The following EVPL variants were observed in gnomAD, a reference collection of about 807,000 sequenced individuals.
EVPL encodes the protein envoplakin, also known as 210 kDa cornified envelope precursor protein.
Under a neutral mutation model 129.7 loss-of-function variants are expected in EVPL, and 94 were observed. The ratio of observed to expected loss-of-function variants is 0.72; its 90% CI spans 0.61 to 0.86. The LOEUF is 0.86. EVPL is among the 40% of genes least tolerant of loss of function. EVPL has a pLI of 0.00. For synonymous variants in EVPL, 1,172 were observed against 1,191.1 expected (o/e 0.98, Z 0.33); for missense variants, 2,625 against 2,721.1 (o/e 0.96, Z 0.79).
Position 76,010,248 on chromosome 17 carries a change from C to T in EVPL, c.2957G>A (p.Arg986Gln), listed in dbSNP as rs377429965. 5.8e-5 allele frequency: 93 copies of T among 1,613,826 alleles called. 1 individual carries two copies. The highest frequency in any genetic ancestry group is 3.3e-4 in the Middle Eastern group (2 of 6,084). Residue 986 changes from arginine to glutamine, a missense_variant, in exon 22 of 22, where the codon CGG becomes CAG. Around this residue, in one of 4 missense-constraint regions of EVPL, gnomAD observed 1,453 missense variants for 1,511.8 expected, o/e 0.96. Coordinates refer to ENST00000301607, the MANE Select transcript of EVPL (RefSeq NM_001988.4). ...TTCCAGGTCTGCCTGCAGGCCAGCC[C>T]GCCGCTTGCCCTCCTCCTCCACCTG... The part of the protein sequence containing the change: ...KAQVEEEGKR[R>Q]AGLQADLEVA...
chr17:76,009,704 C>G lies in EVPL; in HGVS notation c.3501G>C (p.Ala1167=). The change falls in exon 22 of 22, where the codon GCG becomes GCC. Residue 1167 remains alanine, a synonymous_variant. Coordinates refer to ENST00000301607, the MANE Select transcript of EVPL (RefSeq NM_001988.4). The surrounding 1 kb of genome is among the most constrained non-coding windows in gnomAD (Gnocchi z 5.9). ...SLLEEERTKN[A]TLARELSDLH... Reference sequence around the variant, plus strand: ...GGTCGCTCAGCTCCCTGGCCAGCGTCGCGTTCTTGGTCCTCTCCTCCTCGA... The same window carrying G: ...GGTCGCTCAGCTCCCTGGCCAGCGTGGCGTTCTTGGTCCTCTCCTCCTCGA... 6.2e-7 allele frequency: 1 copy of G among 1,613,584 alleles called. No homozygotes were observed. Among genetic ancestry groups the G allele is most frequent in the Non-Finnish European group, 8.5e-7 (1 of 1,180,016 alleles).
rs984372512 is a variant in EVPL at position 76,022,234 on chromosome 17, C to T, written c.607-7G>A. 2 of 1,613,050 alleles carry T rather than the reference C, an allele frequency of 1.2e-6. No individual in the cohort carries two copies. Among genetic ancestry groups the T allele is most frequent in the African/African-American group, 1.3e-5 (1 of 74,904 alleles). On this transcript the variant is annotated splice_region_variant and splice_polypyrimidine_tract_variant and intron_variant, in intron 5 of 21. Transcript: ENST00000301607. This position sits in a 1 kb window ranked among gnomAD's most constrained non-coding sequence, Gnocchi z 5.6. ...TCCGGATGGTGGCTGCATCCTGCCT[C>T]GACCAAGGGGAGAAACAAGCCCGTG...
Position 76,007,159 on chromosome 17 carries a change from C to T in EVPL, c.6046G>A (p.Glu2016Lys). 2.0e-6 allele frequency: 3 copies of T among 1,508,970 alleles called. No individual in the cohort carries two copies. The highest frequency in any genetic ancestry group is 2.7e-6 in the Non-Finnish European group (3 of 1,127,354). The allele number at this position is 1,508,970 out of a possible 1,614,324, so 93.5% of individuals were successfully genotyped here. A position where few individuals can be genotyped will look rare whatever the true frequency, so the allele number is the denominator to read the frequency against. The change falls in exon 22 of 22, where the codon GAG (glutamate) becomes AAG (lysine). Residue 2016 changes from glutamate (E) to lysine (K), a missense_variant. Glu to Lys is a moderately conservative substitution (Grantham distance 56). Transcript: ENST00000301607. This position sits in a 1 kb window ranked among gnomAD's most constrained non-coding sequence, Gnocchi z 8.8. ...GCGGAGCGGTAGCAGCGGTACCCCTCCAGTGCCGCTGGCAGGAGCAGCAGG... is the reference window on the plus strand; with the variant it reads ...GCGGAGCGGTAGCAGCGGTACCCCTTCAGTGCCGCTGGCAGGAGCAGCAGG... Reference protein sequence around the residue: ...SGLLLLPAALEGYRCYRSASP... With the variant: ...SGLLLLPAALKGYRCYRSASP...
In EVPL at chr17:76,014,466, T is replaced by G; in HGVS notation, c.2333A>C (p.Asp778Ala). ...CTTGTAGGCGATCTGGCTGGGGCCGTCGCTGGGCCGCACCTGGCTGCGGGG... is the reference window on the plus strand; with the variant it reads ...CTTGTAGGCGATCTGGCTGGGGCCGGCGCTGGGCCGCACCTGGCTGCGGGG... ...HLPRSQVRPS[D>A]GPSQIAYKLQ... Residue 778 changes from aspartate to alanine, a missense_variant, in exon 18 of 22, where the codon GAC (aspartate) becomes GCC (alanine). By Grantham distance (126) the Asp-to-Ala change is moderately radical. Coordinates refer to ENST00000301607, the MANE Select transcript of EVPL (RefSeq NM_001988.4). 6.2e-7 allele frequency: 1 copy of G among 1,611,908 alleles called. No individual in the cohort carries two copies. Among genetic ancestry groups the G allele is most frequent in the Non-Finnish European group, 8.5e-7 (1 of 1,179,464 alleles).
rs774222629 is a variant in EVPL at position 76,015,051 on chromosome 17, A to G, written c.2087T>C (p.Leu696Pro). Residue 696 changes from leucine to proline, a missense_variant, in exon 17 of 22, where the codon CTG becomes CCG. By Grantham distance (98) the Leu-to-Pro change is moderately conservative. Around this residue, in one of 4 missense-constraint regions of EVPL, gnomAD observed 1,024 missense variants for 997.5 expected, o/e 1.03. Coordinates refer to ENST00000301607, the MANE Select transcript of EVPL (RefSeq NM_001988.4). ...QTCVLRLHRA[L>P]KASEHACAAL... is the part of the protein sequence containing the mutation. ...AGCGCATGCGTGCTCCGAGGCCTTC[A>G]GCGCGCGGTGTAGCCGCAGCACGCA... The G allele has an allele frequency of 6.9e-6, 11 of 1,589,232 alleles. No individual in the cohort carries two copies. The highest frequency in any genetic ancestry group is 9.4e-6 in the Non-Finnish European group (11 of 1,172,338).
Position 76,024,241 on chromosome 17 carries a change from G to T in EVPL, c.99-121C>A. 1 of 900,896 alleles carries T rather than the reference G, an allele frequency of 1.1e-6. No homozygotes were observed. The highest frequency in any genetic ancestry group is 1.7e-6 in the Non-Finnish European group (1 of 575,778). The allele number at this position is 900,896 out of a possible 1,614,324, so 55.8% of individuals were successfully genotyped here. On this transcript the variant is annotated intron_variant, in intron 1 of 21. Coordinates refer to ENST00000301607, the MANE Select transcript of EVPL (RefSeq NM_001988.4). The surrounding 1 kb of genome is among the most constrained non-coding windows in gnomAD (Gnocchi z 4.5). ...CCCCCACAGCCTAGCTCACTGCCCT[G>T]ACTTTGGGGTCTCTCTCTGCAGAAG...
At position 76,013,341 on chromosome 17, in the gene EVPL, C is replaced by T. The variant is rs996787694; in HGVS notation, c.2373+1085G>A. Among the ~76,000 whole-genome samples, 3 of 152,138 alleles carry T rather than the reference C, an allele frequency of 2.0e-5. No individual in the cohort carries two copies. Among genetic ancestry groups the T allele is most frequent in the African/African-American group, 7.2e-5 (3 of 41,430 alleles). ...TCTCTCCCCAGATATTCTCATTTTC[C>T]GGCAGTCCCAGACCCATCTTTGCTC... On this transcript the variant is annotated intron_variant, in intron 18 of 21. Transcript: ENST00000301607. This position sits in a 1 kb window ranked among gnomAD's most constrained non-coding sequence, Gnocchi z 4.3.
In EVPL at chr17:76,017,750, G is replaced by A. The variant is rs761710925; in HGVS notation, c.1699C>T (p.His567Tyr). ...TPLEDLEGRI[H>Y]SHEGTAQRLQ... ...CGCTGCTCACCCACCTCATGGCTGT[G>A]GATGCGGCCCTCCAAGTCCTCCAAG... Residue 567 changes from histidine to tyrosine, a missense_variant, in exon 14 of 22, where the codon CAC (histidine) becomes TAC (tyrosine). Coordinates refer to ENST00000301607, the MANE Select transcript of EVPL (RefSeq NM_001988.4). 1 of 1,612,310 alleles carries A rather than the reference G, an allele frequency of 6.2e-7. No homozygotes were observed. Among genetic ancestry groups the A allele is most frequent in the Non-Finnish European group, 8.5e-7 (1 of 1,179,856 alleles).
Position 76,023,310 on chromosome 17 carries a change from G to A in EVPL, c.462C>T (p.Arg154=), listed in dbSNP as rs139816112. ...PDVGPRVDWA[R]VLEQKQKQVC... is the part of the protein sequence containing the mutation. ...TCCTGACCTGTTTCTGCTCCAGCAC[G>A]CGTGCCCAGTCGACCCTGGGTCCCA... The change falls in exon 4 of 22, where the codon CGC becomes CGT. Residue 154 remains arginine, a synonymous_variant. Coordinates refer to ENST00000301607, the MANE Select transcript of EVPL (RefSeq NM_001988.4). 1.1e-3 allele frequency: 1,780 copies of A among 1,613,910 alleles called. 3 individuals carry two copies. The highest frequency in any genetic ancestry group is 1.4e-3 in the Non-Finnish European group (1,687 of 1,180,010).
Position 76,018,937 on chromosome 17 carries a change from T to C in EVPL, c.1261A>G (p.Ile421Val). 1 of 1,545,020 alleles carries C rather than the reference T, an allele frequency of 6.5e-7. No homozygotes were observed. The highest frequency in any genetic ancestry group is 8.7e-7 in the Non-Finnish European group (1 of 1,148,978). Residue 421 changes from isoleucine to valine, a missense_variant, in exon 11 of 22, where the codon ATC becomes GTC. Ile to Val is a conservative substitution (Grantham distance 29). Coordinates refer to ENST00000301607, the MANE Select transcript of EVPL (RefSeq NM_001988.4). ...ACTTCTCCTGAGTCCCAGTCGCAGA[T>C]GCTGTCCACGTGCAGGGGCTGCTGA... Reference protein sequence around the residue: ...PPQQPLHVDSICDWDSGEVQL... With the variant: ...PPQQPLHVDSVCDWDSGEVQL...
In EVPL at chr17:76,008,305, G is replaced by C. The variant is rs756132170; in HGVS notation, c.4900C>G (p.Arg1634Gly). Residue 1634 changes from arginine to glycine, a missense_variant, in exon 22 of 22, where the codon CGG (arginine) becomes GGG (glycine). Around this residue, in one of 4 missense-constraint regions of EVPL, gnomAD observed 1,453 missense variants for 1,511.8 expected, o/e 0.96. Coordinates refer to ENST00000301607, the MANE Select transcript of EVPL (RefSeq NM_001988.4). The surrounding 1 kb of genome is among the most constrained non-coding windows in gnomAD (Gnocchi z 7.4). Reference protein sequence around the residue: ...TESERQKAAQRGQELSRLEAA... With the variant: ...TESERQKAAQGGQELSRLEAA... Reference sequence around the variant, plus strand: ...TCCAGCCGCGAGAGCTCCTGGCCCCGCTGGGCCGCCTTCTGTCGCTCGCTC... The same window carrying C: ...TCCAGCCGCGAGAGCTCCTGGCCCCCCTGGGCCGCCTTCTGTCGCTCGCTC... 1 of 1,609,196 alleles carries C rather than the reference G, an allele frequency of 6.2e-7. No homozygotes were observed. Among genetic ancestry groups the C allele is most frequent in the South Asian group, 1.1e-5 (1 of 91,056 alleles).
rs187552992 is a variant in EVPL, at chr17:76,019,066, G to A, written c.1138-6C>T. The A allele has an allele frequency of 2.8e-4, 446 of 1,572,946 alleles. 4 individuals are homozygous for A. The East Asian group carries it at 8.4e-3, about 30-fold the overall frequency. ...GCCAGCCGTTTTTCCTCTGCCTGCC[G>A]GGGGCCCAGGCAGTGGGGGACTCAG... On this transcript the variant is annotated splice_region_variant and splice_polypyrimidine_tract_variant and intron_variant, in intron 10 of 21. Coordinates refer to ENST00000301607, the MANE Select transcript of EVPL (RefSeq NM_001988.4).
chr17:76,015,028 C>T lies in EVPL; in HGVS notation c.2110G>A (p.Ala704Thr), dbSNP rs1425281982. 1 of 1,593,622 alleles carries T rather than the reference C, an allele frequency of 6.3e-7. No homozygotes were observed. The part of the protein sequence containing the change: ...RALKASEHAC[A>T]ALQNNFQEFC... ...TCCTGGAAGTTGTTCTGCAGGGCAG[C>T]GCATGCGTGCTCCGAGGCCTTCAGC... is the stretch of plus-strand genomic sequence containing the variant. Residue 704 changes from alanine to threonine, a missense_variant, in exon 17 of 22, where the codon GCT (alanine) becomes ACT (threonine). Ala to Thr is a moderately conservative substitution (Grantham distance 58). Around this residue, in one of 4 missense-constraint regions of EVPL, gnomAD observed 1,024 missense variants for 997.5 expected, o/e 1.03. Coordinates refer to ENST00000301607, the MANE Select transcript of EVPL (RefSeq NM_001988.4).
rs922522168 is a variant in EVPL, at chr17:76,013,065, A to T, written c.2374-976T>A. ...GGCCTGAGAATTCATATTTCTGATA[A>T]GTCCCCAGGTGATGCTGCTACAGCT... On this transcript the variant is annotated intron_variant, in intron 18 of 21. Transcript: ENST00000301607. The surrounding 1 kb of genome is among the most constrained non-coding windows in gnomAD (Gnocchi z 4.3). Among the ~76,000 whole-genome samples the T allele has an allele frequency of 1.1e-3, 171 of 152,188 alleles. 2 individuals are homozygous for T. The highest frequency in any genetic ancestry group is 3.1e-4 in the Non-Finnish European group (21 of 67,988).
At chr17:76,016,872 C>T (rs891916453) in intron 14 of EVPL, among the ~76,000 whole-genome samples, 8 of 151,900 alleles carry the variant, frequency 5.3e-5, no homozygotes, top group Non-Finnish European at 1.2e-4. Flanking sequence ...TACCATTGCA[C>T]ACCACTGCAC....
At position 76,011,614 on chromosome 17, in the gene EVPL, G is replaced by A; in HGVS notation, c.2623C>T (p.Leu875Phe). The stretch of plus-strand genomic sequence containing the variant: ...TTTCTAGCAAACTCCAGCTGCTGGA[G>A]CAGCTGCTGCTGTGCTGCTGCAACC... The part of the protein sequence containing the change: ...TEVAAAQQQL[L>F]QQLEFARKML... Residue 875 changes from leucine to phenylalanine, a missense_variant, in exon 21 of 22, where the codon CTC (leucine) becomes TTC (phenylalanine). Transcript: ENST00000301607. The A allele has an allele frequency of 6.2e-7, 1 of 1,614,198 alleles. No individual in the cohort carries two copies. The highest frequency in any genetic ancestry group is 8.5e-7 in the Non-Finnish European group (1 of 1,180,018).
chr17:76,018,566 A>G lies in EVPL; in HGVS notation c.1319T>C (p.Val440Ala), dbSNP rs1289317665. The G allele has an allele frequency of 1.2e-6, 2 of 1,608,542 alleles. No individual in the cohort carries two copies. The highest frequency in any genetic ancestry group is 2.2e-5 in the South Asian group (2 of 90,690). Reference protein sequence around the residue: ...QLLQGERYKLVDNTDPHAWVV... With the variant: ...QLLQGERYKLADNTDPHAWVV... ...CCAGGCGTGCGGGTCAGTGTTATCT[A>G]CCAGCTTATACCGCTCACCCTGCAG... The change falls in exon 12 of 22, where the codon GTA becomes GCA. Residue 440 changes from valine (V) to alanine (A), a missense_variant. Physicochemically the swap from Val to Ala is moderately conservative, Grantham distance 64. Transcript: ENST00000301607.
intron 9 of EVPL, among the ~76,000 whole-genome samples, chr17:76,020,438 G>C (rs1667530156): frequency 6.6e-6 from 1 of 152,174 alleles, no homozygotes; most frequent in African/African-American, 2.4e-5. Flanking sequence ...GAGGGTATTG[G>C]AGCTGCACTT....
chr17:76,019,066 G>T lies in EVPL; in HGVS notation c.1138-6C>A, dbSNP rs187552992. 2 of 1,572,946 alleles carry T rather than the reference G, an allele frequency of 1.3e-6. No individual in the cohort carries two copies. Among genetic ancestry groups the T allele is most frequent in the Non-Finnish European group, 1.7e-6 (2 of 1,167,952 alleles). On this transcript the variant is annotated splice_region_variant and splice_polypyrimidine_tract_variant and intron_variant, in intron 10 of 21. Coordinates refer to ENST00000301607, the MANE Select transcript of EVPL (RefSeq NM_001988.4). Reference sequence around the variant, plus strand: ...GCCAGCCGTTTTTCCTCTGCCTGCCGGGGGCCCAGGCAGTGGGGGACTCAG... The same window carrying T: ...GCCAGCCGTTTTTCCTCTGCCTGCCTGGGGCCCAGGCAGTGGGGGACTCAG...
Sources: allele counts gnomAD v4.1 joint callset (sites outside exome capture counted in the v4.1 genomes callset), GRCh38; gene constraint gnomAD v4.1.1; regional missense constraint gnomAD v4.1.1; non-coding constraint Gnocchi (gnomAD v3.1); transcripts MANE v1.5; gene names NCBI Gene and HGNC (gene_info 2026-07-23, HGNC 2026-07-21).